The following QTMAN variants were observed in gnomAD, a reference collection of about 807,000 sequenced individuals.
QTMAN encodes the protein tRNA-queuosine alpha-mannosyltransferase.
the QTMAN span, among the ~76,000 whole-genome samples, chr2:143,996,116 A>G: frequency 5.9e-5 from 9 of 152,164 alleles, no homozygotes; most frequent in Non-Finnish European, 1.2e-4. Context: ...AAAAAAATGT[A>G]AAAGGCTCAT....
At chr2:144,290,851 T>C in the QTMAN span, among the ~76,000 whole-genome samples, 7 of 152,118 alleles carry the variant, frequency 4.6e-5, no homozygotes, top group African/African-American at 1.7e-4. Context: ...CCTCTCCCAA[T>C]CCCCTATATA....
the QTMAN span, among the ~76,000 whole-genome samples, chr2:144,289,992 C>A: frequency 1.3e-5 from 2 of 152,214 alleles, no homozygotes; most frequent in African/African-American, 4.8e-5. Context: ...TACTCTTGCA[C>A]CAATCACCAA....
chr2:144,182,245 A>T, the QTMAN span, among the ~76,000 whole-genome samples: 1 of 152,108 alleles, frequency 6.6e-6, no homozygotes, highest in Admixed American at 6.6e-5. Context: ...AATAATACAT[A>T]GTTTTTTAAT....
chr2:144,259,855 A>G, the QTMAN span, among the ~76,000 whole-genome samples: 1 of 152,036 alleles, frequency 6.6e-6, no homozygotes, highest in Non-Finnish European at 1.5e-5. Flanking sequence ...GGATTTTAGG[A>G]CAATTTTCCA....
At chr2:144,280,472 G>T in the QTMAN span, among the ~76,000 whole-genome samples, 1 of 152,228 alleles carries the variant, frequency 6.6e-6, no homozygotes, top group South Asian at 2.1e-4. Context: ...GCAGGATTTT[G>T]GGGGTTTTTT....
chr2:143,941,676 C>CAA, the QTMAN span: 49 of 100,400 alleles, frequency 4.9e-4, no homozygotes, highest in Non-Finnish European at 4.9e-4. Flanking sequence ...CTCTCTCTCT[C>CAA]AAAAAAAAAA....
the QTMAN span, among the ~76,000 whole-genome samples, chr2:144,163,294 A>T: frequency 6.6e-6 from 1 of 151,928 alleles, no homozygotes; most frequent in East Asian, 1.9e-4. Flanking sequence ...TTAAAATTTA[A>T]AAAATAAAAA....
chr2:144,292,878 G>T, the QTMAN span, among the ~76,000 whole-genome samples: 1 of 152,072 alleles, frequency 6.6e-6, no homozygotes, highest in African/African-American at 2.4e-5. Flanking sequence ...CATTTTAAAA[G>T]ATAATACTCA....
chr2:143,974,146 A>G, the QTMAN span, among the ~76,000 whole-genome samples: 1 of 152,236 alleles, frequency 6.6e-6, no homozygotes, highest in Non-Finnish European at 1.5e-5. Context: ...ACAGCTATCA[A>G]TATTAAACAT....
chr2:144,098,719 A>G, the QTMAN span, among the ~76,000 whole-genome samples: 1 of 152,012 alleles, frequency 6.6e-6, no homozygotes, highest in Non-Finnish European at 1.5e-5. Context: ...TGTCTCAAAA[A>G]AAAAAAAAAG....
the QTMAN span, among the ~76,000 whole-genome samples, chr2:144,111,053 C>A: frequency 6.6e-6 from 1 of 152,104 alleles, no homozygotes; most frequent in East Asian, 1.9e-4. Flanking sequence ...GAAAATCAGC[C>A]AAGAGCAGTT....
the QTMAN span, among the ~76,000 whole-genome samples, chr2:144,287,438 C>CAA: frequency 3.8e-4 from 27 of 70,662 alleles, no homozygotes; most frequent in East Asian, 1.3e-3. Context: ...GACTCTGTCT[C>CAA]AAAAAAAAAA....
the QTMAN span, among the ~76,000 whole-genome samples, chr2:144,326,586 CAAAAAAAAA>C: frequency 2.3e-5 from 1 of 43,734 alleles, no homozygotes; most frequent in Non-Finnish European, 5.0e-5. Context: ...GACTCCATCT[CAAAAAAAAA>C]AAAAAAAAAA....
chr2:144,241,256 T>C, the QTMAN span, among the ~76,000 whole-genome samples: 1 of 152,342 alleles, frequency 6.6e-6, no homozygotes, highest in Admixed American at 6.5e-5. Context: ...TTTCAGATAA[T>C]TCTCAGATGC....
At chr2:144,229,687 G>C in the QTMAN span, among the ~76,000 whole-genome samples, 36 of 152,098 alleles carry the variant, frequency 2.4e-4, no homozygotes, top group Non-Finnish European at 4.0e-4. Flanking sequence ...AGTTAGGCGT[G>C]GGGGGAAGAA....
At chr2:144,032,528 T>C in the QTMAN span, among the ~76,000 whole-genome samples, 3 of 152,182 alleles carry the variant, frequency 2.0e-5, no homozygotes, top group African/African-American at 7.2e-5. Flanking sequence ...TTGCATATTA[T>C]AAGCCCAAGG....
At chr2:144,187,748 G>A in the QTMAN span, among the ~76,000 whole-genome samples, 1 of 152,284 alleles carries the variant, frequency 6.6e-6, no homozygotes, top group Admixed American at 6.5e-5. Context: ...ATTCTGGGAT[G>A]ATGATGATGT....
At chr2:144,288,670 C>G in the QTMAN span, among the ~76,000 whole-genome samples, 36 of 152,268 alleles carry the variant, frequency 2.4e-4, no homozygotes, top group Middle Eastern at 3.4e-3. Context: ...CCAAGGCCTG[C>G]AAACTTCTCT....
At chr2:143,961,719 A>G in the QTMAN span, among the ~76,000 whole-genome samples, 1 of 152,120 alleles carries the variant, frequency 6.6e-6, no homozygotes, top group Non-Finnish European at 1.5e-5. Context: ...TTGCCTTAAG[A>G]GTGGCAATGG....
Sources: gnomAD v4.1 joint callset for allele counts (sites outside exome capture counted in the v4.1 genomes callset) on GRCh38, gnomAD v4.1.1 for gene constraint, MANE v1.5 for transcripts, NCBI Gene and HGNC (gene_info 2026-07-23, HGNC 2026-07-21) for gene names.